The following PTPRD variants were observed in gnomAD, a reference collection of about 807,000 sequenced individuals.
PTPRD encodes the protein receptor-type tyrosine-protein phosphatase delta.
Under a neutral mutation model 214.5 loss-of-function variants are expected in PTPRD, and 34 were observed. The observed-to-expected ratio is 0.16, with a 90% CI of 0.12 to 0.21. The LOEUF (loss-of-function observed/expected upper bound fraction) is 0.21, where lower values mean the gene tolerates loss of function less well. Among genes scored for constraint, PTPRD ranks in the 10% least tolerant of loss-of-function variants. PTPRD has a pLI of 1.00. For missense variants in PTPRD, 2,545 were observed against 2,398.7 expected, an observed-to-expected ratio of 1.06 and a Z score of -1.27; for synonymous variants, 1,128 against 845.7, an observed-to-expected ratio of 1.33 and a Z score of -5.79.
intron 35 of PTPRD, among the ~76,000 whole-genome samples, chr9:8,407,510 C>A (rs1030935977): frequency 1.3e-5 from 2 of 152,136 alleles, no homozygotes; most frequent in Admixed American, 6.6e-5. Flanking sequence ...CAGCTGGTAA[C>A]GACTAAGCCA....
At chr9:10,170,228 T>C (rs998418275) in intron 3 of PTPRD, among the ~76,000 whole-genome samples, 1 of 152,248 alleles carries the variant, frequency 6.6e-6, no homozygotes, top group African/African-American at 2.4e-5. Flanking sequence ...ATTGAGAATA[T>C]AGACAACTAC....
chr9:10,190,083 G>A (rs2099355788), intron 3 of PTPRD, among the ~76,000 whole-genome samples: 1 of 151,588 alleles, frequency 6.6e-6, no homozygotes, highest in Non-Finnish European at 1.5e-5. Context: ...AAGTCAAAGT[G>A]GGGCCAGGCG....
chr9:10,130,362 T>A (rs2098853018), intron 3 of PTPRD, among the ~76,000 whole-genome samples: 1 of 152,110 alleles, frequency 6.6e-6, no homozygotes, highest in Admixed American at 6.6e-5. Context: ...TTGTGCCAAA[T>A]TTTAGTACAA....
At chr9:10,589,419 T>C (rs549712380) in intron 2 of PTPRD, among the ~76,000 whole-genome samples, 1 of 152,000 alleles carries the variant, frequency 6.6e-6, no homozygotes, top group Non-Finnish European at 1.5e-5. Flanking sequence ...TTTCACACAT[T>C]TGAGTCCTGT....
intron 7 of PTPRD, among the ~76,000 whole-genome samples, chr9:9,593,751 T>A (rs2093005476): frequency 6.6e-6 from 1 of 152,022 alleles, no homozygotes; most frequent in Non-Finnish European, 1.5e-5. Flanking sequence ...AATGCAGTCA[T>A]TTTTCACCTG....
intron 9 of PTPRD, among the ~76,000 whole-genome samples, chr9:9,281,469 A>AAGAT (rs1947667910): frequency 6.6e-6 from 1 of 151,418 alleles, no homozygotes; most frequent in Non-Finnish European, 1.5e-5. Flanking sequence ...AGAAGACATG[A>AAGAT]AGATAGCTAA....
intron 9 of PTPRD, among the ~76,000 whole-genome samples, chr9:9,301,309 G>C (rs951084003): frequency 3.3e-5 from 5 of 151,822 alleles, no homozygotes; most frequent in African/African-American, 1.2e-4. Context: ...CAGAGACTGT[G>C]CCAACTGAAA....
intron 2 of PTPRD, among the ~76,000 whole-genome samples, chr9:10,398,310 G>T (rs542325866): frequency 6.6e-6 from 1 of 151,738 alleles, no homozygotes; most frequent in East Asian, 2.0e-4. Context: ...GAGTCCCGAA[G>T]TTCGAGGCTG....
chr9:9,403,421 T>TTC (rs150192743), intron 8 of PTPRD, among the ~76,000 whole-genome samples: 8 of 149,676 alleles, frequency 5.3e-5, no homozygotes, highest in South Asian at 2.1e-4. Flanking sequence ...CTCTCTCTCT[T>TTC]TCTCTCTCTC....
At chr9:10,487,534 T>A (rs1211642244) in intron 2 of PTPRD, among the ~76,000 whole-genome samples, 2 of 152,198 alleles carry the variant, frequency 1.3e-5, no homozygotes, top group Non-Finnish European at 2.9e-5. Context: ...AACCCATTAT[T>A]TTAAGCTGAT....
At chr9:10,027,052 A>G (rs2154126081) in intron 4 of PTPRD, among the ~76,000 whole-genome samples, 1 of 152,296 alleles carries the variant, frequency 6.6e-6, no homozygotes, top group Middle Eastern at 3.4e-3. Flanking sequence ...CCTTGGTAAA[A>G]TAAATAAAAA....
intron 5 of PTPRD, among the ~76,000 whole-genome samples, chr9:9,812,587 A>G (rs150546693): frequency 1.3e-3 from 192 of 152,306 alleles, no homozygotes; most frequent in African/African-American, 4.5e-3. Context: ...CTATATAATG[A>G]TAAAGGAATC....
rs567011154 is a variant in PTPRD at position 8,449,702 on chromosome 9, A to G, written c.3988+23T>C. On this transcript the variant is annotated intron_variant, in intron 34 of 45. Transcript: ENST00000381196. The stretch of plus-strand genomic sequence containing the variant: ...AACTTCTGGGAAAGACTGTGTGTGG[A>G]TTAGATGTGTGATGCTTCTTACCCG... 199 of 1,601,080 alleles carry G rather than the reference A, an allele frequency of 1.2e-4. 2 individuals carry two copies. In the South Asian group the frequency reaches 2.1e-3, roughly 17 times the overall value.
intron 2 of PTPRD, among the ~76,000 whole-genome samples, chr9:10,388,110 C>T (rs1387896999): frequency 6.6e-6 from 1 of 151,650 alleles, no homozygotes; most frequent in African/African-American, 2.4e-5. Context: ...AATACCATTT[C>T]TCTCCTCAAA....
chr9:9,057,645 A>C (rs1012272538), intron 10 of PTPRD, among the ~76,000 whole-genome samples: 1 of 152,208 alleles, frequency 6.6e-6, no homozygotes, highest in Admixed American at 6.5e-5. Flanking sequence ...AAGTACATCC[A>C]CATAAATAAG....
At chr9:10,520,493 C>G (rs1379813862) in intron 2 of PTPRD, among the ~76,000 whole-genome samples, 1 of 152,210 alleles carries the variant, frequency 6.6e-6, no homozygotes. Flanking sequence ...GATGTAGAAG[C>G]TACGGCAAGT....
At chr9:8,694,759 T>C (rs1214263414) in intron 12 of PTPRD, among the ~76,000 whole-genome samples, 2 of 152,220 alleles carry the variant, frequency 1.3e-5, no homozygotes, top group Admixed American at 1.3e-4. Flanking sequence ...GGCAAATCTG[T>C]ATACTACCTA....
Position 8,340,316 on chromosome 9 carries a change from G to T in PTPRD, c.5253+27C>A, listed in dbSNP as rs1392514. ...TCTCCACAGAGTAAATGTCTTATGA[G>T]GAGACACACAAGGGCCACACACTTA... On this transcript the variant is annotated intron_variant, in intron 42 of 45. Coordinates refer to ENST00000381196, the MANE Select transcript of PTPRD (RefSeq NM_002839.4). The T allele has an allele frequency of 6.2e-3, 9,782 of 1,571,644 alleles. 537 individuals carry two copies. In the African/African-American group the frequency reaches 0.11, roughly 18 times the overall value.
intron 4 of PTPRD, among the ~76,000 whole-genome samples, chr9:9,989,714 C>G (rs776303064): frequency 6.6e-6 from 1 of 152,188 alleles, no homozygotes; most frequent in Non-Finnish European, 1.5e-5. Context: ...AACATTTAAG[C>G]AATCCATGGA....
Sources: allele counts gnomAD v4.1 joint callset (sites outside exome capture counted in the v4.1 genomes callset), GRCh38; gene constraint gnomAD v4.1.1; transcripts MANE v1.5; gene names NCBI Gene and HGNC (gene_info 2026-07-23, HGNC 2026-07-21).